NSD2: variants seen among roughly 807,000 people sequenced by gnomAD.
The protein encoded by NSD2 is nuclear receptor binding SET domain protein 2.
NSD2 carries 12 observed loss-of-function variants against 139.0 expected under a neutral mutation model. That is an observed-to-expected ratio of 0.09 (90% CI 0.06 to 0.14). NSD2 has a LOEUF of 0.14. Ranked by LOEUF, NSD2 falls within the 10% of genes least tolerant of loss-of-function variation. NSD2 has a pLI of 1.00. For missense variants in NSD2, 1,155 were observed against 1,745.0 expected, an observed-to-expected ratio of 0.66 and a Z score of 6.02; for synonymous variants, 669 against 648.7, an observed-to-expected ratio of 1.03 and a Z score of -0.48.
At position 1,935,206 on chromosome 4, in the gene NSD2, G is replaced by A. The variant is rs768024031; in HGVS notation, c.1618G>A (p.Glu540Lys). 1 of 1,613,686 alleles carries A rather than the reference G, an allele frequency of 6.2e-7. No individual in the cohort carries two copies. The highest frequency in any genetic ancestry group is 8.5e-7 in the Non-Finnish European group (1 of 1,179,764). ...GATACAGGACCCTACAGAAGATGCTGAAGCTGAGGACACACCCAGGAAAAG... is the reference window on the plus strand; with the variant it reads ...GATACAGGACCCTACAGAAGATGCTAAAGCTGAGGACACACCCAGGAAAAG... The part of the protein sequence containing the change: ...KRIQDPTEDA[E>K]AEDTPRKRLR... The change falls in exon 7 of 22, where the codon GAA becomes AAA. Residue 540 changes from glutamate to lysine, a missense_variant. This residue lies in a region of NSD2 where 420 missense variants were observed against 469.0 expected (regional missense o/e 0.90). Transcript: ENST00000508803.
At chr4:1,881,137 G>T (rs1158604330) in intron 1 of NSD2, among the ~76,000 whole-genome samples, 1 of 152,124 alleles carries the variant, frequency 6.6e-6, no homozygotes, top group African/African-American at 2.4e-5. Flanking sequence ...TGGGCACATG[G>T]GTTCTAACTT....
At chr4:1,940,605 C>T in intron 9 of NSD2, 1 of 1,063,176 alleles carries the variant, frequency 9.4e-7, no homozygotes, top group Non-Finnish European at 1.1e-6. Flanking sequence ...CTCCGTGATG[C>T]TGTTTTTCTC....
At chr4:1,874,645 C>G (rs1577344255) in intron 1 of NSD2, among the ~76,000 whole-genome samples, 1 of 152,100 alleles carries the variant, frequency 6.6e-6, no homozygotes, top group African/African-American at 2.4e-5. Flanking sequence ...AATGGCTTGG[C>G]TAAGGTCACT....
chr4:1,894,131 A>T (rs961782048), intron 1 of NSD2, among the ~76,000 whole-genome samples: 5 of 151,378 alleles, frequency 3.3e-5, no homozygotes, highest in East Asian at 2.0e-4. Context: ...TAAATTTAAA[A>T]TTTTTTGTAG....
In NSD2 at chr4:1,951,193, A is replaced by G. The variant is rs1308986047; in HGVS notation, c.2003A>G (p.Tyr668Cys). ...SERGVTAKKEYVCQLCEKPGS... is the reference protein window; with the variant it reads ...SERGVTAKKECVCQLCEKPGS... The stretch of plus-strand genomic sequence containing the variant: ...CGAGGAGTGACTGCCAAAAAGGAGT[A>G]TGTGTGCCAGGTGAGGAGAAGGCAG... The change falls in exon 10 of 22, where the codon TAT becomes TGT. Residue 668 changes from tyrosine to cysteine, a missense_variant. Coordinates refer to ENST00000508803, the MANE Select transcript of NSD2 (RefSeq NM_001042424.3). 3.1e-6 allele frequency: 5 copies of G among 1,614,124 alleles called. No individual in the cohort carries two copies. The highest frequency in any genetic ancestry group is 2.7e-5 in the African/African-American group (2 of 75,058).
chr4:1,875,816 G>A (rs780899920), intron 1 of NSD2, among the ~76,000 whole-genome samples: 29 of 151,880 alleles, frequency 1.9e-4, no homozygotes, highest in Non-Finnish European at 3.8e-4. Context: ...GGCTGAGGCA[G>A]GAGAATGGCG....
chr4:1,900,468 C>T (rs1270361943), intron 1 of NSD2, among the ~76,000 whole-genome samples, 158 bp from the exon 2 acceptor site: 1 of 152,114 alleles, frequency 6.6e-6, no homozygotes, highest in Non-Finnish European at 1.5e-5. Flanking sequence ...TTTTGTGATA[C>T]TAAAACTGCC....
intron 8 of NSD2, 49 bp downstream of exon 8, chr4:1,938,581 G>A (rs762958448): frequency 2.8e-6 from 4 of 1,436,926 alleles, no homozygotes; most frequent in Non-Finnish European, 3.9e-6. Flanking sequence ...TGCCCAGGCT[G>A]GGCTGGGTGG....
At chr4:1,874,940 TTTATA>T (rs1300173452) in intron 1 of NSD2, among the ~76,000 whole-genome samples, 1 of 152,060 alleles carries the variant, frequency 6.6e-6, no homozygotes, top group Non-Finnish European at 1.5e-5. Flanking sequence ...ACTCTAGCAT[TTTATA>T]TTTGTCTATT....
Position 1,917,006 on chromosome 4 carries a change from A to G in NSD2, c.896A>G (p.Lys299Arg). The change falls in exon 4 of 22, where the codon AAG becomes AGG. Residue 299 changes from lysine (K) to arginine (R), a missense_variant. Coordinates refer to ENST00000508803, the MANE Select transcript of NSD2 (RefSeq NM_001042424.3). ...GAAAAATTATGCCAGGAAAGTGCCA[A>G]GCAGGCACCCACGAAAGCTGAGAAA... The part of the protein sequence containing the change: ...QFEKLCQESA[K>R]QAPTKAEKIK... The G allele has an allele frequency of 6.2e-7, 1 of 1,613,948 alleles. No individual in the cohort carries two copies. The highest frequency in any genetic ancestry group is 8.5e-7 in the Non-Finnish European group (1 of 1,179,944).
At chr4:1,947,042 G>A (rs1165990651) in intron 9 of NSD2, 33 of 1,063,994 alleles carry the variant, frequency 3.1e-5, no homozygotes, top group Non-Finnish European at 3.4e-5. Flanking sequence ...TGGTCCGGCT[G>A]ATGGGGGTTT....
At chr4:1,904,119 T>C in intron 2 of NSD2, 97 bp from the exon 3 acceptor site, 2 of 1,348,944 alleles carry the variant, frequency 1.5e-6, no homozygotes, top group Non-Finnish European at 2.0e-6. Context: ...GGGGTCTGTG[T>C]GTATTTGGAC....
At chr4:1,946,251 TTTATTTA>T in intron 9 of NSD2, 1 of 981,632 alleles carries the variant, frequency 1.0e-6, no homozygotes, top group Non-Finnish European at 1.2e-6. Flanking sequence ...GGGTCTTGCA[TTTATTTA>T]TTATTTATTT....
chr4:1,979,845 G>C lies in NSD2; in HGVS notation c.*936G>C. The C allele has an allele frequency of 4.3e-6, 1 of 232,642 alleles. No individual in the cohort carries two copies. Among genetic ancestry groups the C allele is most frequent in the East Asian group, 6.1e-5 (1 of 16,502 alleles). 14.4% of individuals were successfully genotyped at this position (232,642 alleles called of 1,614,324 possible). A position where few individuals can be genotyped will look rare whatever the true frequency, so the allele number is the denominator to read the frequency against. ...CTGATGCGGCCCTGAGCTCCATGGCGAAAGGAGTGACTTTGCAGGGCGTGA... is the reference window on the plus strand; with the variant it reads ...CTGATGCGGCCCTGAGCTCCATGGCCAAAGGAGTGACTTTGCAGGGCGTGA... On this transcript the variant is annotated 3_prime_UTR_variant, in exon 22 of 22. Transcript: ENST00000508803.
At chr4:1,872,583 T>TGA (rs1255714415) in intron 1 of NSD2, among the ~76,000 whole-genome samples, 4 of 62,684 alleles carry the variant, frequency 6.4e-5, no homozygotes, top group African/African-American at 2.2e-4. Context: ...TGTGTGTGTG[T>TGA]GTGTGTGTGA....
chr4:1,904,518 C>T (rs878899578), intron 3 of NSD2, 140 bp downstream of exon 3: 2 of 878,346 alleles, frequency 2.3e-6, no homozygotes, highest in Admixed American at 3.1e-5. Context: ...GTGATTGATT[C>T]AAGTGTGATG....
At chr4:1,938,554 C>G in intron 8 of NSD2, 22 bp downstream of exon 8, 2 of 1,597,144 alleles carry the variant, frequency 1.3e-6, no homozygotes. Flanking sequence ...AGCGCCCTTT[C>G]CTTCTTGGCT....
intron 1 of NSD2, among the ~76,000 whole-genome samples, chr4:1,898,213 A>G (rs141429899): frequency 6.6e-6 from 1 of 152,236 alleles, no homozygotes; most frequent in Non-Finnish European, 1.5e-5. Flanking sequence ...CAGCCTCCTG[A>G]GTAGCAGGGA....
chr4:1,979,233 A>G lies in NSD2; in HGVS notation c.*324A>G. The G allele has an allele frequency of 3.3e-6, 1 of 303,470 alleles. No homozygotes were observed. The highest frequency in any genetic ancestry group is 5.1e-5 in the East Asian group (1 of 19,760). 18.8% of individuals were successfully genotyped at this position (303,470 alleles called of 1,614,324 possible). ...TTTTTAGGTTAAAGTTAATTGGCAT[A>G]TGGAATGTTTTAATCTCCTCTGAAA... On this transcript the variant is annotated 3_prime_UTR_variant, in exon 22 of 22. Coordinates refer to ENST00000508803, the MANE Select transcript of NSD2 (RefSeq NM_001042424.3).
Sources: gnomAD v4.1 joint callset for allele counts (sites outside exome capture counted in the v4.1 genomes callset) on GRCh38, gnomAD v4.1.1 for gene constraint, gnomAD v4.1.1 regional missense constraint, MANE v1.5 for transcripts, NCBI Gene and HGNC (gene_info 2026-07-23, HGNC 2026-07-21) for gene names.